Variants in SYK observed in about 807,000 individuals in gnomAD.
The protein encoded by SYK is spleen associated tyrosine kinase.
In SYK, 16 loss-of-function variants were observed where a neutral mutation model predicts 77.8. The ratio of observed to expected loss-of-function variants is 0.21; its 90% CI spans 0.14 to 0.31. The LOEUF (loss-of-function observed/expected upper bound fraction) is 0.31. SYK is among the 10% of genes least tolerant of loss of function. The pLI is 1.00. For synonymous variants in SYK, 312 were observed against 308.7 expected (o/e 1.01, Z -0.11); for missense variants, 529 against 814.4 (o/e 0.65, Z 4.26).
At chr9:90,864,738 C>A in intron 5 of SYK, 71 bp downstream of exon 5, 1 of 1,396,642 alleles carries the variant, frequency 7.2e-7, no homozygotes, top group Non-Finnish European at 1.0e-6. Flanking sequence ...TTAGACTTAG[C>A]TGATTGCAGA....
At position 90,811,284 on chromosome 9, in the gene SYK, G is replaced by A. The variant is rs12005055; in HGVS notation, c.-42+9391G>A. Reference sequence around the variant, plus strand: ...AGCATCAATAGCTTTAATATGCAGCGAGTTTTTTCAAATCAATAAGAAAAA... The same window carrying A: ...AGCATCAATAGCTTTAATATGCAGCAAGTTTTTTCAAATCAATAAGAAAAA... On this transcript the variant is annotated intron_variant, in intron 1 of 13. Coordinates refer to ENST00000375754, the MANE Select transcript of SYK (RefSeq NM_003177.7). Among the ~76,000 whole-genome samples, 581 of 152,172 alleles carry A rather than the reference G, an allele frequency of 3.8e-3. 1 individual carries two copies. Among genetic ancestry groups the A allele is most frequent in the Middle Eastern group, 6.8e-3 (2 of 294 alleles).
chr9:90,851,434 G>C (rs993154789), intron 3 of SYK, among the ~76,000 whole-genome samples: 1 of 152,146 alleles, frequency 6.6e-6, no homozygotes, highest in Non-Finnish European at 1.5e-5. Flanking sequence ...GGAGGGGCTG[G>C]GCAGTGTGGG....
At chr9:90,889,519 A>G (rs980124283) in intron 13 of SYK, among the ~76,000 whole-genome samples, 4 of 152,238 alleles carry the variant, frequency 2.6e-5, no homozygotes, top group African/African-American at 9.6e-5. Flanking sequence ...TGCAGATGCC[A>G]CCTGGGATTC....
chr9:90,859,963 C>T (rs1418513257), intron 3 of SYK, among the ~76,000 whole-genome samples: 1 of 152,124 alleles, frequency 6.6e-6, no homozygotes, highest in Non-Finnish European at 1.5e-5. Context: ...GATTCAGAAA[C>T]CAGAGTTCAG....
chr9:90,874,488 T>A (rs1260441845), intron 8 of SYK, among the ~76,000 whole-genome samples, 184 bp from the exon 9 acceptor site: 2 of 152,274 alleles, frequency 1.3e-5, no homozygotes, highest in African/African-American at 2.4e-5. Flanking sequence ...TTGAATGAAA[T>A]GGTCTTTCCC....
At chr9:90,834,184 TCATGCACACACATGTGTGCACACA>T (rs565674643) in intron 1 of SYK, among the ~76,000 whole-genome samples, 25 of 152,118 alleles carry the variant, frequency 1.6e-4, no homozygotes, top group African/African-American at 5.1e-4. Context: ...TCTCCCAGCC[TCATGCACACACATGTGTGCACACA>T]CATGCACACA....
At chr9:90,821,552 A>G (rs142977795) in intron 1 of SYK, among the ~76,000 whole-genome samples, 40 of 152,334 alleles carry the variant, frequency 2.6e-4, no homozygotes, top group African/African-American at 4.8e-4. Flanking sequence ...CAGTAATTCA[A>G]TTACCTCCCC....
At chr9:90,805,825 A>G (rs1310199813) in intron 1 of SYK, among the ~76,000 whole-genome samples, 4 of 152,174 alleles carry the variant, frequency 2.6e-5, no homozygotes, top group African/African-American at 7.2e-5. Flanking sequence ...ATCCTTTGGT[A>G]CTGCTTTGAG....
intron 13 of SYK, among the ~76,000 whole-genome samples, chr9:90,893,760 C>T (rs756451972): frequency 6.6e-6 from 1 of 152,148 alleles, no homozygotes; most frequent in South Asian, 2.1e-4. Flanking sequence ...CCAGATAGGC[C>T]GCCTTTAGGG....
intron 1 of SYK, among the ~76,000 whole-genome samples, chr9:90,836,388 CTAT>C (rs889972489): frequency 9.5e-4 from 144 of 152,026 alleles, no homozygotes; most frequent in African/African-American, 2.9e-3. Flanking sequence ...GTGTACAACT[CTAT>C]TATTAAAATT....
chr9:90,869,816 A>G (rs1827660063), intron 7 of SYK, among the ~76,000 whole-genome samples: 1 of 152,224 alleles, frequency 6.6e-6, no homozygotes, highest in South Asian at 2.1e-4. Flanking sequence ...TTTAGAAATT[A>G]GTAGCTTACT....
intron 1 of SYK, among the ~76,000 whole-genome samples, chr9:90,836,490 A>C (rs1826092065): frequency 6.6e-6 from 1 of 152,228 alleles, no homozygotes; most frequent in African/African-American, 2.4e-5. Flanking sequence ...GTATTAAATC[A>C]TAATTGCATA....
chr9:90,861,984 G>A (rs185132366), intron 3 of SYK, among the ~76,000 whole-genome samples: 1 of 152,310 alleles, frequency 6.6e-6, no homozygotes, highest in African/African-American at 2.4e-5. Context: ...TTTCCTTGTT[G>A]CAAGCTTGCC....
At chr9:90,813,350 C>G (rs943698613) in intron 1 of SYK, among the ~76,000 whole-genome samples, 4 of 152,086 alleles carry the variant, frequency 2.6e-5, no homozygotes, top group African/African-American at 9.7e-5. Flanking sequence ...CATACTCGCC[C>G]AGAAGGGCCC....
intron 1 of SYK, among the ~76,000 whole-genome samples, chr9:90,811,060 A>G (rs1825053190): frequency 1.2e-5 from 1 of 83,610 alleles, no homozygotes; most frequent in Non-Finnish European, 2.7e-5. Flanking sequence ...AGCTATTAAA[A>G]GAAAACTTAG....
rs572651083 is a variant in SYK, at chr9:90,825,254, C to T, written c.-41-18604C>T. On this transcript the variant is annotated intron_variant, in intron 1 of 13. Coordinates refer to ENST00000375754, the MANE Select transcript of SYK (RefSeq NM_003177.7). ...AGTAAATGGAAAAGTAGTCCATGTT[C>T]GTACATTGGAAGACTCAATGTTGTT... Among the ~76,000 whole-genome samples the T allele has an allele frequency of 1.2e-4, 19 of 152,246 alleles. No homozygotes were observed. The South Asian group carries it at 1.7e-3, about 13-fold the overall frequency.
At chr9:90,831,084 T>C (rs1825872910) in intron 1 of SYK, among the ~76,000 whole-genome samples, 1 of 152,188 alleles carries the variant, frequency 6.6e-6, no homozygotes, top group Non-Finnish European at 1.5e-5. Context: ...CCTTAAATGG[T>C]ATGGATTTGG....
In SYK at chr9:90,874,204, T is replaced by C. The variant is rs1159991699; in HGVS notation, c.916T>C (p.Ser306Pro). ...ACCTGTTGTCCTTTATGTACTTTAG[T>C]CCTCCCCTGCCCAAGGGAACCGGCA... ...YSFPKPGHRK[S>P]SPAQGNRQES... Residue 306 changes from serine to proline, a missense_variant and splice_region_variant, in exon 8 of 14, where the codon TCC (serine) becomes CCC (proline). Around this residue, in one of 2 missense-constraint regions of SYK, gnomAD observed 321 missense variants for 433.1 expected, o/e 0.74. Coordinates refer to ENST00000375754, the MANE Select transcript of SYK (RefSeq NM_003177.7). 2.5e-6 allele frequency: 4 copies of C among 1,613,898 alleles called. No homozygotes were observed. In the African/African-American group the frequency reaches 4.0e-5, roughly 16 times the overall value.
At chr9:90,842,742 C>T in intron 1 of SYK, among the ~76,000 whole-genome samples, 1 of 132,338 alleles carries the variant, frequency 7.6e-6, no homozygotes, top group East Asian at 2.2e-4. Context: ...ATGTAGTGTG[C>T]ATGTGGTATG....
Sources: allele counts gnomAD v4.1 joint callset (sites outside exome capture counted in the v4.1 genomes callset), GRCh38; gene constraint gnomAD v4.1.1; regional missense constraint gnomAD v4.1.1; transcripts MANE v1.5; gene names NCBI Gene and HGNC (gene_info 2026-07-23, HGNC 2026-07-21).